PCDH15: variants seen among roughly 807,000 people sequenced by gnomAD.
PCDH15 encodes the protein protocadherin-15.
A neutral mutation model predicts 178.5 loss-of-function variants in PCDH15; 129 were observed. The observed-to-expected ratio is 0.72, with a 90% CI of 0.63 to 0.84. The LOEUF is 0.84. PCDH15 is among the 40% of genes least tolerant of loss of function. The probability of loss-of-function intolerance (pLI) is 0.00; values close to 1 mark genes in which losing one functional copy is unlikely to be tolerated. For missense variants in PCDH15, 2,230 were observed against 2,099.9 expected (o/e 1.06, Z -1.21); for synonymous variants, 800 against 732.0 (o/e 1.09, Z -1.50).
At chr10:54,757,769 A>T (rs1005147682) in intron 1 of PCDH15, among the ~76,000 whole-genome samples, 19 of 152,188 alleles carry the variant, frequency 1.2e-4, no homozygotes, top group African/African-American at 4.6e-4. Flanking sequence ...TCCTTTCCTT[A>T]GTAATTGCAA....
intron 1 of PCDH15, among the ~76,000 whole-genome samples, chr10:54,710,287 AG>A (rs199797265): frequency 0.017 from 2,519 of 152,180 alleles, 41 homozygotes; most frequent in African/African-American, 0.036. Flanking sequence ...CTTGTATCTA[AG>A]GGTTTTACAA....
chr10:54,905,206 T>G (rs1954698868), intron 2 of PCDH15, among the ~76,000 whole-genome samples: 1 of 152,070 alleles, frequency 6.6e-6, no homozygotes, highest in African/African-American at 2.4e-5. Context: ...AATAGAAGAA[T>G]AATATCAAAA....
chr10:55,096,574 T>C (rs901410485), intron 2 of PCDH15, among the ~76,000 whole-genome samples: 4 of 152,116 alleles, frequency 2.6e-5, no homozygotes, highest in Admixed American at 1.3e-4. Context: ...TGCTGCATAT[T>C]AGGTCTCCAG....
At chr10:54,978,314 T>C (rs1392302791) in intron 2 of PCDH15, among the ~76,000 whole-genome samples, 1 of 152,100 alleles carries the variant, frequency 6.6e-6, no homozygotes, top group Non-Finnish European at 1.5e-5. Flanking sequence ...ATTTTAGTGA[T>C]AGTCAAAACA....
intron 2 of PCDH15, among the ~76,000 whole-genome samples, chr10:55,006,495 A>G (rs1839930937): frequency 6.6e-6 from 1 of 152,250 alleles, no homozygotes; most frequent in Non-Finnish European, 1.5e-5. Context: ...GCTAAAAGGT[A>G]GAAGGAACAT....
chr10:55,396,879 G>A (rs1263668834), intron 2 of PCDH15, among the ~76,000 whole-genome samples: 1 of 152,134 alleles, frequency 6.6e-6, no homozygotes, highest in Non-Finnish European at 1.5e-5. Flanking sequence ...AAAGGTTGGG[G>A]TAAGTAATTT....
At position 54,317,323 on chromosome 10, in the gene PCDH15, C is replaced by T. The variant is rs142678284; in HGVS notation, c.824G>A (p.Arg275His). The change falls in exon 8 of 38, where the codon CGT becomes CAT. Residue 275 changes from arginine (R) to histidine (H), a missense_variant. Arg to His is a conservative substitution (Grantham distance 29, BLOSUM62 0). Transcript: ENST00000644397. Reference protein sequence around the residue: ...FLPCVLVPNTRDCRPLTYQAA... With the variant: ...FLPCVLVPNTHDCRPLTYQAA... ...TTGATAAGTGAGTGGACGGCAATCA[C>T]GAGTGTTTGGCACAAGGACACAAGG... 8.4e-5 allele frequency: 135 copies of T among 1,613,926 alleles called. No homozygotes were observed. In the African/African-American group the frequency reaches 1.3e-3, roughly 15 times the overall value.
At chr10:54,429,130 A>G (rs757452266) in intron 3 of PCDH15, among the ~76,000 whole-genome samples, 7 of 152,104 alleles carry the variant, frequency 4.6e-5, no homozygotes, top group Non-Finnish European at 8.8e-5. Context: ...TTTTCAAAAC[A>G]TAGACAGTAT....
intron 2 of PCDH15, among the ~76,000 whole-genome samples, chr10:54,529,004 G>A (rs553291465): frequency 6.6e-6 from 1 of 152,086 alleles, no homozygotes; most frequent in African/African-American, 2.4e-5. Flanking sequence ...GCACACTCCT[G>A]TACAGCAGTG....
intron 25 of PCDH15, among the ~76,000 whole-genome samples, chr10:53,905,680 A>C (rs911975743): frequency 6.6e-6 from 1 of 152,040 alleles, no homozygotes; most frequent in African/African-American, 2.4e-5. Context: ...ATCCATACTT[A>C]TATGTATACT....
intron 25 of PCDH15, among the ~76,000 whole-genome samples, chr10:53,930,319 G>A (rs564375793): frequency 1.5e-4 from 23 of 151,680 alleles, no homozygotes; most frequent in African/African-American, 3.1e-4. Flanking sequence ...TTAGCCAGGC[G>A]TGGTGTCAGG....
intron 2 of PCDH15, among the ~76,000 whole-genome samples, chr10:54,936,014 A>T (rs1837897721): frequency 6.6e-6 from 1 of 152,080 alleles, no homozygotes; most frequent in Admixed American, 6.6e-5. Flanking sequence ...TCATAAAGAA[A>T]TACCATACCC....
At chr10:55,245,438 A>G (rs1404448705) in intron 1 of PCDH15, among the ~76,000 whole-genome samples, 1 of 152,194 alleles carries the variant, frequency 6.6e-6, no homozygotes, top group Non-Finnish European at 1.5e-5. Flanking sequence ...CCATTGAGCT[A>G]TTGAAATCAA....
chr10:55,150,162 T>C (rs1461382942), intron 2 of PCDH15, among the ~76,000 whole-genome samples: 6 of 151,812 alleles, frequency 4.0e-5, no homozygotes, highest in Non-Finnish European at 8.8e-5. Context: ...ATGCACTGAA[T>C]GGATACTCTG....
At chr10:55,211,049 C>T (rs1469015773) in intron 1 of PCDH15, among the ~76,000 whole-genome samples, 2 of 151,980 alleles carry the variant, frequency 1.3e-5, no homozygotes, top group African/African-American at 4.8e-5. Context: ...GAAGATTCCT[C>T]AGGGCAGCTT....
intron 2 of PCDH15, among the ~76,000 whole-genome samples, chr10:55,010,988 T>G (rs1017711515): frequency 7.9e-5 from 12 of 152,066 alleles, no homozygotes; most frequent in Non-Finnish European, 1.6e-4. Context: ...CTAAAGAATA[T>G]TGCTCCCTTG....
At chr10:55,586,375 T>A (rs573452097) in intron 2 of PCDH15, among the ~76,000 whole-genome samples, 3 of 152,252 alleles carry the variant, frequency 2.0e-5, no homozygotes, top group African/African-American at 7.2e-5. Flanking sequence ...CCTTCTTTTC[T>A]AGAATAAATG....
intron 9 of PCDH15, among the ~76,000 whole-genome samples, chr10:54,227,193 G>A (rs906065479): frequency 6.6e-5 from 10 of 152,172 alleles, no homozygotes; most frequent in Non-Finnish European, 1.5e-4. Context: ...CTGCACTAGT[G>A]GAGGTTCTTC....
chr10:54,044,174 T>C (rs889496911), intron 18 of PCDH15, among the ~76,000 whole-genome samples: 3 of 152,106 alleles, frequency 2.0e-5, no homozygotes, highest in Non-Finnish European at 2.9e-5. Flanking sequence ...TTTAGTGGTA[T>C]GGAGATACTT....
Sources: allele counts gnomAD v4.1 joint callset (sites outside exome capture counted in the v4.1 genomes callset), GRCh38; gene constraint gnomAD v4.1.1; transcripts MANE v1.5; gene names NCBI Gene and HGNC (gene_info 2026-07-23, HGNC 2026-07-21).